UEVLD: variants seen among roughly 807,000 people sequenced by gnomAD.
UEVLD encodes ubiquitin-conjugating enzyme E2 variant 3.
Under a neutral mutation model 58.6 loss-of-function variants are expected in UEVLD, and 47 were observed. The observed-to-expected ratio is 0.80, with a 90% CI of 0.63 to 1.02. The LOEUF is 1.02. Among genes scored for constraint, UEVLD ranks in the 50% least tolerant of loss-of-function variants. The pLI is 0.00. For missense variants in UEVLD, 510 were observed against 550.6 expected (o/e 0.93, Z 0.74); for synonymous variants, 197 against 195.3 (o/e 1.01, Z -0.07).
Position 18,588,626 on chromosome 11 carries a change from C to A in UEVLD, c.29G>T (p.Arg10Leu). The change falls in exon 1 of 12, where the codon CGG becomes CTG. Residue 10 changes from arginine to leucine, a missense_variant. Coordinates refer to ENST00000396197, the MANE Select transcript of UEVLD (RefSeq NM_001040697.4). ...GACTGCCCGCACCTTGCCAAGCAGC[C>A]GTCTCAGGCCCTCGCAGTCGAACTC... Reference protein sequence around the residue: MEFDCEGLRRLLGKYKFRDL... With the variant: MEFDCEGLRLLLGKYKFRDL... 6.2e-7 allele frequency: 1 copy of A among 1,610,338 alleles called. No homozygotes were observed. Among genetic ancestry groups the A allele is most frequent in the Non-Finnish European group, 8.5e-7 (1 of 1,179,866 alleles).
intron 3 of UEVLD, among the ~76,000 whole-genome samples, chr11:18,571,887 A>T (rs999309255): frequency 1.3e-5 from 2 of 151,714 alleles, no homozygotes; most frequent in Admixed American, 6.6e-5. Context: ...ACAGTTAGCT[A>T]TGATCACACC....
rs76650717 is a variant in UEVLD at position 18,568,734 on chromosome 11, T to C, written c.357+1480A>G. ...TTTAAATGTTTTCTATATAAAAATA[T>C]AGAAAACCATAAAACAAAGTAAAAT... On this transcript the variant is annotated intron_variant, in intron 4 of 11. Transcript: ENST00000396197. Among the ~76,000 whole-genome samples, 29 of 152,238 alleles carry C rather than the reference T, an allele frequency of 1.9e-4. No individual in the cohort carries two copies. In the East Asian group the frequency reaches 3.7e-3, roughly 19 times the overall value.
At chr11:18,545,074 A>ATATATATATT (rs1345787784) in intron 8 of UEVLD, among the ~76,000 whole-genome samples, 8 of 84,566 alleles carry the variant, frequency 9.5e-5, no homozygotes, top group East Asian at 3.3e-4. Flanking sequence ...CTATATCTAT[A>ATATATATATT]TTTTTTTTTT....
chr11:18,571,441 T>C (rs1852607360), intron 3 of UEVLD, among the ~76,000 whole-genome samples: 1 of 152,166 alleles, frequency 6.6e-6, no homozygotes, highest in Admixed American at 6.6e-5. Flanking sequence ...GCAGTATTCT[T>C]GCATTTTAAC....
At chr11:18,573,764 G>T (rs1024608583) in intron 3 of UEVLD, among the ~76,000 whole-genome samples, 1 of 152,176 alleles carries the variant, frequency 6.6e-6, no homozygotes, top group African/African-American at 2.4e-5. Context: ...ATGACTGGGG[G>T]TGGGGAGTGG....
At chr11:18,586,874 C>CA (rs1275925879) in intron 1 of UEVLD, among the ~76,000 whole-genome samples, 2 of 136,122 alleles carry the variant, frequency 1.5e-5, no homozygotes, top group East Asian at 3.9e-4. Flanking sequence ...ACTAAAAATA[C>CA]AAAAAAAATT....
At chr11:18,534,635 T>C (rs186023851) in intron 10 of UEVLD, among the ~76,000 whole-genome samples, 182 bp from the exon 11 acceptor site, 14 of 152,318 alleles carry the variant, frequency 9.2e-5, no homozygotes, top group African/African-American at 3.4e-4. Flanking sequence ...AGATGTCAGA[T>C]AGGCAGTTCA....
In UEVLD at chr11:18,536,394, A is replaced by C; in HGVS notation, c.1124+12T>G. 1.2e-6 allele frequency: 2 copies of C among 1,612,996 alleles called. No homozygotes were observed. Among genetic ancestry groups the C allele is most frequent in the African/African-American group, 1.3e-5 (1 of 74,958 alleles). On this transcript the variant is annotated intron_variant, in intron 10 of 11. Transcript: ENST00000396197. ...TTTCGTTGGATAAATGCAAATTTCC[A>C]GTCAGTGTTACCTGTTGGACAGCTG...
chr11:18,544,945 C>CAT (rs1253694530), intron 8 of UEVLD, 149 bp from the exon 9 acceptor site: 10 of 448,450 alleles, frequency 2.2e-5, no homozygotes, highest in Non-Finnish European at 3.8e-5. Flanking sequence ...CACATATATA[C>CAT]ATATATATAC....
chr11:18,542,505 G>A (rs899450745), intron 9 of UEVLD, among the ~76,000 whole-genome samples: 3 of 152,098 alleles, frequency 2.0e-5, no homozygotes, highest in Non-Finnish European at 4.4e-5. Flanking sequence ...GGTTTTTTAA[G>A]GGTTTATTGT....
At chr11:18,575,939 G>A (rs1045182896) in intron 2 of UEVLD, among the ~76,000 whole-genome samples, 1 of 152,132 alleles carries the variant, frequency 6.6e-6, no homozygotes, top group Non-Finnish European at 1.5e-5. Context: ...AGTGATCGAC[G>A]GCCTTTTCCC....
chr11:18,555,980 A>T (rs1269788963), intron 7 of UEVLD, among the ~76,000 whole-genome samples: 1 of 152,186 alleles, frequency 6.6e-6, no homozygotes, highest in Non-Finnish European at 1.5e-5. Context: ...CACAATTAAT[A>T]AGGGGAACAT....
At chr11:18,575,672 C>A (rs1852870586) in intron 2 of UEVLD, among the ~76,000 whole-genome samples, 1 of 152,190 alleles carries the variant, frequency 6.6e-6, no homozygotes. Flanking sequence ...CCACCTTCCC[C>A]ACTTAGAGGA....
At chr11:18,563,580 G>A in intron 6 of UEVLD, 1 of 742,432 alleles carries the variant, frequency 1.3e-6, no homozygotes, top group Non-Finnish European at 1.6e-6. Flanking sequence ...AACAGAACAT[G>A]ACCCTGTCTA....
intron 1 of UEVLD, among the ~76,000 whole-genome samples, chr11:18,580,300 C>T (rs1853171118): frequency 6.6e-6 from 1 of 152,008 alleles, no homozygotes; most frequent in Admixed American, 6.6e-5. Context: ...GGTAGTTCTT[C>T]AAAAGACTAA....
intron 1 of UEVLD, among the ~76,000 whole-genome samples, chr11:18,584,396 A>C (rs1023622600): frequency 6.6e-6 from 1 of 152,054 alleles, no homozygotes; most frequent in African/African-American, 2.4e-5. Context: ...AAAAAAAAGA[A>C]AAAGCACACG....
intron 1 of UEVLD, 121 bp downstream of exon 1, chr11:18,588,492 C>CGG (rs752312448): frequency 5.6e-4 from 681 of 1,216,358 alleles, no homozygotes; most frequent in Non-Finnish European, 6.9e-4. Flanking sequence ...TCAGACCAGC[C>CGG]GCCCCGGCTC....
At chr11:18,536,309 TC>T (rs1850792002) in intron 10 of UEVLD, 96 bp downstream of exon 10, 1 of 1,175,830 alleles carries the variant, frequency 8.5e-7, no homozygotes, top group African/African-American at 1.5e-5. Context: ...TAGTTTTGTT[TC>T]CAGAAGCCTG....
At chr11:18,549,740 C>T (rs897879041) in intron 7 of UEVLD, among the ~76,000 whole-genome samples, 5 of 151,528 alleles carry the variant, frequency 3.3e-5, no homozygotes, top group Non-Finnish European at 7.4e-5. Context: ...TTCAAAAGTA[C>T]AAGAAAGCCT....
Sources: gnomAD v4.1 joint callset for allele counts (sites outside exome capture counted in the v4.1 genomes callset) on GRCh38, gnomAD v4.1.1 for gene constraint, MANE v1.5 for transcripts, NCBI Gene and HGNC (gene_info 2026-07-23, HGNC 2026-07-21) for gene names.